Variants in ADIPOR2 observed in about 807,000 individuals in gnomAD.
The protein encoded by ADIPOR2 is adiponectin receptor 2.
ADIPOR2 carries 18 observed loss-of-function variants against 40.9 expected under a neutral mutation model. That is an observed-to-expected ratio of 0.44 (90% CI 0.30 to 0.65). The LOEUF is 0.65. ADIPOR2 is among the 30% of genes least tolerant of loss of function. The pLI, the probability that ADIPOR2 is intolerant of heterozygous loss-of-function variation, is 0.09. For synonymous variants in ADIPOR2, 165 were observed against 166.4 expected (o/e 0.99, Z 0.06); for missense variants, 283 against 479.2 (o/e 0.59, Z 3.82).
chr12:1,697,770 A>G (rs142101018), intron 1 of ADIPOR2: 2 of 152,510 alleles, frequency 1.3e-5, no homozygotes, highest in East Asian at 3.9e-4. Context: ...ATTTTGATTC[A>G]AGACAGTACA....
At position 1,748,330 on chromosome 12, in the gene ADIPOR2, A is replaced by C. The variant is rs11061965; in HGVS notation, c.-86-5928A>C. ...GTGGCGCGATCTCGGCTCACTGCAA[A>C]CTCCGCCTCCCGGGTTCACGCCATT... On this transcript the variant is annotated intron_variant, in intron 1 of 7. Coordinates refer to ENST00000357103, the MANE Select transcript of ADIPOR2 (RefSeq NM_024551.3). 1.1e-4 allele frequency among the ~76,000 whole-genome samples: 17 copies of C among 151,548 alleles called. 1 individual carries two copies. In the East Asian group the frequency reaches 2.9e-3, roughly 26 times the overall value.
intron 1 of ADIPOR2, among the ~76,000 whole-genome samples, chr12:1,707,605 C>A (rs2094666070): frequency 6.6e-6 from 1 of 152,122 alleles, no homozygotes; most frequent in African/African-American, 2.4e-5. Context: ...GCTGGGACTA[C>A]AGGTGCATGC....
rs1253513640 is a variant in ADIPOR2, at chr12:1,717,179, T to C, written c.-87+25988T>C. ...ACTTGGAAGTTTTTCCTTCCTAAGT[T>C]GATAAGCATTTGAGTGGAAAGAAAG... is the stretch of plus-strand genomic sequence containing the variant. On this transcript the variant is annotated intron_variant, in intron 1 of 7. Coordinates refer to ENST00000357103, the MANE Select transcript of ADIPOR2 (RefSeq NM_024551.3). Among the ~76,000 whole-genome samples the C allele has an allele frequency of 2.0e-5, 3 of 152,232 alleles. No individual in the cohort carries two copies. The East Asian group carries it at 5.8e-4, about 29-fold the overall frequency.
At chr12:1,783,369 A>G (rs913420206) in intron 6 of ADIPOR2, among the ~76,000 whole-genome samples, 5 of 151,676 alleles carry the variant, frequency 3.3e-5, no homozygotes, top group Non-Finnish European at 7.4e-5. Flanking sequence ...CTGACTTACT[A>G]AGCTAAGCCT....
intron 1 of ADIPOR2, among the ~76,000 whole-genome samples, chr12:1,722,057 C>G (rs546337544): frequency 6.6e-6 from 1 of 152,132 alleles, no homozygotes. Flanking sequence ...CTGTCGCTGC[C>G]GTGTGAAGAC....
chr12:1,773,523 T>C (rs902893245), intron 3 of ADIPOR2, among the ~76,000 whole-genome samples: 2 of 149,546 alleles, frequency 1.3e-5, no homozygotes, highest in Non-Finnish European at 2.9e-5. Context: ...ATTCTTTTTT[T>C]TTTTTTTTTT....
chr12:1,700,959 A>G (rs569411261), intron 1 of ADIPOR2, among the ~76,000 whole-genome samples: 257 of 152,262 alleles, frequency 1.7e-3, no homozygotes, highest in Non-Finnish European at 3.1e-3. Context: ...ACAGAGACCA[A>G]TATAATTAAC....
intron 2 of ADIPOR2, among the ~76,000 whole-genome samples, chr12:1,769,906 T>C (rs922635395): frequency 3.3e-5 from 5 of 150,944 alleles, no homozygotes; most frequent in African/African-American, 1.2e-4. Flanking sequence ...GAAATATTTA[T>C]CTTTACTAAA....
At chr12:1,723,635 A>T (rs1277637224) in intron 1 of ADIPOR2, among the ~76,000 whole-genome samples, 1 of 150,962 alleles carries the variant, frequency 6.6e-6, no homozygotes, top group African/African-American at 2.4e-5. Context: ...GCAAGACTCC[A>T]TCTCAAAAAC....
chr12:1,783,980 G>A lies in ADIPOR2; in HGVS notation c.939G>A (p.Trp313Ter). Residue 313 changes from tryptophan (W) to a stop codon, truncating the protein, a stop_gained, in exon 7 of 8, where the codon TGG becomes TGA. Coordinates refer to ENST00000357103, the MANE Select transcript of ADIPOR2 (RefSeq NM_024551.3). LOFTEE classifies it high-confidence loss of function. ...LKAATIGQIG[W>*]LMLMASLYIT... ...CCGCCACCATAGGGCAGATAGGCTG[G>A]TTGATGCTGATGGCCAGCCTCTACA... 1 of 1,613,968 alleles carries A rather than the reference G, an allele frequency of 6.2e-7. No individual in the cohort carries two copies. The highest frequency in any genetic ancestry group is 8.5e-7 in the Non-Finnish European group (1 of 1,179,928).
At chr12:1,728,958 G>GTTTTTTTTTTTT (rs66842156) in intron 1 of ADIPOR2, among the ~76,000 whole-genome samples, 1 of 110,054 alleles carries the variant, frequency 9.1e-6, no homozygotes, top group Admixed American at 9.8e-5. Context: ...GTTCTGGACT[G>GTTTTTTTTTTTT]TTTTTTTTTT....
chr12:1,775,204 A>G (rs1290618436), intron 3 of ADIPOR2, among the ~76,000 whole-genome samples: 2 of 152,222 alleles, frequency 1.3e-5, no homozygotes, highest in African/African-American at 4.8e-5. Flanking sequence ...GATTATTACT[A>G]AGATATTTGA....
rs181210426 is a variant in ADIPOR2 at position 1,730,501 on chromosome 12, C to T, written c.-86-23757C>T. Among the ~76,000 whole-genome samples, 37 of 151,746 alleles carry T rather than the reference C, an allele frequency of 2.4e-4. No homozygotes were observed. The East Asian group carries it at 7.0e-3, about 29-fold the overall frequency. ...GCGCGGTGGCGGGCGCCTGTAGTCCCAGCTACACGGGAAGCTGAGGCAGGA... is the reference window on the plus strand; with the variant it reads ...GCGCGGTGGCGGGCGCCTGTAGTCCTAGCTACACGGGAAGCTGAGGCAGGA... On this transcript the variant is annotated intron_variant, in intron 1 of 7. Transcript: ENST00000357103.
chr12:1,692,086 C>CA (rs113438292), intron 1 of ADIPOR2, among the ~76,000 whole-genome samples: 1 of 146,306 alleles, frequency 6.8e-6, no homozygotes, highest in Non-Finnish European at 1.5e-5. Flanking sequence ...CAAAAGCAGA[C>CA]TTTTTTTTTT....
intron 1 of ADIPOR2, among the ~76,000 whole-genome samples, chr12:1,700,301 T>G (rs2094647670): frequency 6.6e-6 from 1 of 152,338 alleles, no homozygotes; most frequent in Non-Finnish European, 1.5e-5. Flanking sequence ...ACTTTAATCT[T>G]GTATGTTTTG....
At chr12:1,743,462 G>C (rs2094748067) in intron 1 of ADIPOR2, among the ~76,000 whole-genome samples, 1 of 152,096 alleles carries the variant, frequency 6.6e-6, no homozygotes, top group African/African-American at 2.4e-5. Context: ...CTTGAGGCCA[G>C]TAGTTCAAAA....
intron 1 of ADIPOR2, among the ~76,000 whole-genome samples, chr12:1,726,657 C>T (rs1158863057): frequency 7.4e-6 from 1 of 134,746 alleles, no homozygotes; most frequent in African/African-American, 2.5e-5. Flanking sequence ...TGTCCTCACT[C>T]CTTTGTACAG....
At chr12:1,730,080 T>A (rs1442507190) in intron 1 of ADIPOR2, among the ~76,000 whole-genome samples, 1 of 152,162 alleles carries the variant, frequency 6.6e-6, no homozygotes, top group Non-Finnish European at 1.5e-5. Context: ...CATTATGTTG[T>A]CACTCCTGAA....
intron 2 of ADIPOR2, among the ~76,000 whole-genome samples, chr12:1,756,220 G>A (rs1193119366): frequency 1.3e-5 from 2 of 151,642 alleles, no homozygotes; most frequent in Non-Finnish European, 2.9e-5. Context: ...GCACCATCTC[G>A]GCTCACTGCA....
Sources: gnomAD v4.1 joint callset for allele counts (sites outside exome capture counted in the v4.1 genomes callset) on GRCh38, gnomAD v4.1.1 for gene constraint, MANE v1.5 for transcripts, NCBI Gene and HGNC (gene_info 2026-07-23, HGNC 2026-07-21) for gene names.